Variants in CXCL13 observed in about 807,000 individuals in gnomAD.
CXCL13 encodes C-X-C motif chemokine 13.
In CXCL13, 7 loss-of-function variants were observed where a neutral mutation model predicts 12.2. The observed-to-expected ratio is 0.57, with a 90% CI of 0.33 to 1.07. CXCL13 has a LOEUF of 1.07. Ranked by LOEUF, CXCL13 falls within the 50% of genes least tolerant of loss-of-function variation. The probability of loss-of-function intolerance (pLI) is 0.04; values close to 1 mark genes in which losing one functional copy is unlikely to be tolerated. For synonymous variants in CXCL13, 47 were observed against 42.4 expected (o/e 1.11, Z -0.42); for missense variants, 113 against 127.4 (o/e 0.89, Z 0.55).
chr4:77,584,198 A>T (rs868404143), intron 1 of CXCL13, among the ~76,000 whole-genome samples: 62 of 152,220 alleles, frequency 4.1e-4, no homozygotes, highest in Admixed American at 2.2e-3. Context: ...CTCAAAGACT[A>T]TGGTGGCCAC....
At chr4:77,538,814 G>C (rs2109799529) in intron 1 of CXCL13, among the ~76,000 whole-genome samples, 1 of 152,258 alleles carries the variant, frequency 6.6e-6, no homozygotes, top group East Asian at 1.9e-4. Context: ...GTTGGTGGTG[G>C]AAGTTATCCA....
At chr4:77,578,213 G>A (rs1315890723) in intron 1 of CXCL13, among the ~76,000 whole-genome samples, 1 of 152,140 alleles carries the variant, frequency 6.6e-6, no homozygotes, top group Admixed American at 6.5e-5. Flanking sequence ...TTTGATATAT[G>A]TTTCCTAATA....
chr4:77,546,901 A>G (rs185953176), intron 1 of CXCL13, among the ~76,000 whole-genome samples: 5 of 152,310 alleles, frequency 3.3e-5, no homozygotes, highest in African/African-American at 1.2e-4. Context: ...CCCTCTACAT[A>G]CTGCTTTACA....
intron 1 of CXCL13, among the ~76,000 whole-genome samples, chr4:77,570,781 C>T (rs1388095969): frequency 4.0e-4 from 60 of 149,502 alleles, no homozygotes; most frequent in Admixed American, 3.8e-3. Flanking sequence ...CCTGCCGGCC[C>T]TGGGCAGTGA....
At chr4:77,550,182 G>T (rs1467229431) in intron 1 of CXCL13, among the ~76,000 whole-genome samples, 2 of 152,222 alleles carry the variant, frequency 1.3e-5, no homozygotes, top group Non-Finnish European at 2.9e-5. Context: ...TGTGCCACTT[G>T]CTAAGACCAT....
intron 1 of CXCL13, among the ~76,000 whole-genome samples, chr4:77,547,047 G>C (rs1465863415): frequency 3.3e-5 from 5 of 152,194 alleles, no homozygotes. Flanking sequence ...TAGTTGTGCA[G>C]TTTTGAGTGA....
At chr4:77,565,143 A>G (rs996846632) in intron 1 of CXCL13, among the ~76,000 whole-genome samples, 3 of 152,228 alleles carry the variant, frequency 2.0e-5, no homozygotes, top group African/African-American at 7.2e-5. Flanking sequence ...CTTCACTTGC[A>G]CAGCTTCCCT....
In CXCL13 at chr4:77,607,632, T is replaced by C. The variant is rs551341968; in HGVS notation, c.65-71T>C. On this transcript the variant is annotated intron_variant, in intron 1 of 3. Transcript: ENST00000682537. ...GTCTTCAAATGCACGTTATGAAAGA[T>C]TAGTAATTAAATTCTAGTTATGAAT... 2.4e-5 allele frequency: 35 copies of C among 1,448,192 alleles called. No individual in the cohort carries two copies. The Admixed American group carries it at 3.0e-4, about 12-fold the overall frequency. The allele number at this position is 1,448,192 out of a possible 1,614,324, so 89.7% of individuals were successfully genotyped here. A position where few individuals can be genotyped will look rare whatever the true frequency, so the allele number is the denominator to read the frequency against.
At chr4:77,571,769 C>G (rs1378125542) in intron 1 of CXCL13, among the ~76,000 whole-genome samples, 1 of 151,752 alleles carries the variant, frequency 6.6e-6, no homozygotes, top group African/African-American at 2.4e-5. Flanking sequence ...ACTGTGGAAG[C>G]TTTGTTCTTT....
chr4:77,605,941 C>T lies in CXCL13; in HGVS notation c.64+12C>T, dbSNP rs200616061. 4.3e-5 allele frequency: 67 copies of T among 1,575,058 alleles called. 1 individual carries two copies. The Admixed American group carries it at 4.8e-4, about 11-fold the overall frequency. On this transcript the variant is annotated intron_variant, in intron 1 of 3. Transcript: ENST00000682537. Reference sequence around the variant, plus strand: ...CTCTCCAGTCCAAGGTGAGAAATTTCATTTACATTTCACTGTTTGTTGAAC... The same window carrying T: ...CTCTCCAGTCCAAGGTGAGAAATTTTATTTACATTTCACTGTTTGTTGAAC...
intron 1 of CXCL13, among the ~76,000 whole-genome samples, chr4:77,583,047 C>A (rs1454871798): frequency 2.0e-5 from 3 of 152,138 alleles, no homozygotes; most frequent in Non-Finnish European, 4.4e-5. Flanking sequence ...AGCAACAAAG[C>A]CTTGAAATGC....
chr4:77,605,968 G>A (rs1309496938), intron 1 of CXCL13, 39 bp downstream of exon 1: 6 of 1,456,740 alleles, frequency 4.1e-6, no homozygotes, highest in Non-Finnish European at 4.8e-6. Context: ...TTGTTGAACA[G>A]AAATAGTCTT....
At chr4:77,590,096 G>A (rs1318057900) in intron 1 of CXCL13, among the ~76,000 whole-genome samples, 1 of 152,174 alleles carries the variant, frequency 6.6e-6, no homozygotes, top group African/African-American at 2.4e-5. Flanking sequence ...ATGTAGAGGA[G>A]TTCCAAGGTA....
intron 1 of CXCL13, among the ~76,000 whole-genome samples, chr4:77,556,045 T>C (rs2109809715): frequency 6.6e-6 from 1 of 152,300 alleles, no homozygotes; most frequent in South Asian, 2.1e-4. Context: ...AGAAAACAGT[T>C]GAACAGTTCC....
intron 1 of CXCL13, among the ~76,000 whole-genome samples, chr4:77,559,934 A>C (rs938522887): frequency 2.4e-4 from 36 of 151,386 alleles, no homozygotes; most frequent in Admixed American, 1.6e-3. Flanking sequence ...AAAAAAAAAA[A>C]AAAAAACCTG....
At chr4:77,610,562 T>C (rs1386244962) in intron 2 of CXCL13, 52 bp from the exon 3 acceptor site, 10 of 1,313,702 alleles carry the variant, frequency 7.6e-6, no homozygotes, top group East Asian at 2.3e-5. Flanking sequence ...ATTAAAAGTA[T>C]AGGATTGACT....
At chr4:77,527,540 G>C (rs1724797379) in intron 1 of CXCL13, among the ~76,000 whole-genome samples, 1 of 152,084 alleles carries the variant, frequency 6.6e-6, no homozygotes, top group South Asian at 2.1e-4. Context: ...GCTGAGGTGG[G>C]AGGATCACTT....
At chr4:77,522,253 C>A (rs1163754087) in intron 1 of CXCL13, among the ~76,000 whole-genome samples, 1 of 152,002 alleles carries the variant, frequency 6.6e-6, no homozygotes, top group Non-Finnish European at 1.5e-5. Context: ...GAGTTCAATT[C>A]CTGGATATCT....
intron 1 of CXCL13, among the ~76,000 whole-genome samples, chr4:77,539,978 G>A (rs140687316): frequency 2.0e-4 from 31 of 152,192 alleles, no homozygotes; most frequent in African/African-American, 7.2e-4. Flanking sequence ...TGACCATTGG[G>A]TCAGAAGGGC....
Sources: gnomAD v4.1 joint callset for allele counts (sites outside exome capture counted in the v4.1 genomes callset) on GRCh38, gnomAD v4.1.1 for gene constraint, MANE v1.5 for transcripts, NCBI Gene and HGNC (gene_info 2026-07-23, HGNC 2026-07-21) for gene names.